STPG2: variants seen among roughly 807,000 people sequenced by gnomAD.
STPG2 encodes sperm tail PG-rich repeat containing 2.
In STPG2, 56 loss-of-function variants were observed where a neutral mutation model predicts 54.2. That is an observed-to-expected ratio of 1.03 (90% CI 0.83 to 1.29). The LOEUF (loss-of-function observed/expected upper bound fraction) is 1.29. STPG2 is among the 50% of genes most tolerant of loss of function. STPG2 has a pLI of 0.00. For missense variants in STPG2, 596 were observed against 544.9 expected (o/e 1.09, Z -0.93); for synonymous variants, 200 against 181.8 (o/e 1.10, Z -0.81).
chr4:97,726,362 G>T (rs141923228), intron 9 of STPG2, among the ~76,000 whole-genome samples: 1 of 151,882 alleles, frequency 6.6e-6, no homozygotes, highest in Non-Finnish European at 1.5e-5. Flanking sequence ...GTGGATAGAT[G>T]GTGGTGATGA....
intron 10 of STPG2, among the ~76,000 whole-genome samples, chr4:97,678,759 A>T (rs1363792326): frequency 1.3e-5 from 2 of 151,256 alleles, no homozygotes; most frequent in East Asian, 3.9e-4. Context: ...ATATCTCCTA[A>T]TGCTATCCCT....
chr4:97,946,693 A>T (rs995915550), intron 7 of STPG2, among the ~76,000 whole-genome samples: 3 of 152,104 alleles, frequency 2.0e-5, no homozygotes, highest in Non-Finnish European at 4.4e-5. Context: ...GTCAAAGATC[A>T]GTTGGTTGTA....
In STPG2 at chr4:97,924,314, TTAA is replaced by T. The variant is rs1218039185; in HGVS notation, c.1044+19580_1044+19582del. ...AATTCCAGACACAATAGGATGTTACTTAATAAAAACATTTTAAACATATGTGAT... is the reference window on the plus strand; with the variant it reads ...AATTCCAGACACAATAGGATGTTACTTAAAAACATTTTAAACATATGTGAT... On this transcript the variant is annotated intron_variant, in intron 8 of 10. Coordinates refer to ENST00000295268, the MANE Select transcript of STPG2 (RefSeq NM_174952.3). Among the ~76,000 whole-genome samples, 8 of 152,340 alleles carry T rather than the reference TTAA, an allele frequency of 5.3e-5. 1 individual carries two copies. Among genetic ancestry groups the T allele is most frequent in the Admixed American group, 5.2e-4 (8 of 15,302 alleles).
Position 98,134,390 on chromosome 4 carries a change from T to A in STPG2, c.179A>T (p.Lys60Ile). The change falls in exon 2 of 11, where the codon AAA (lysine) becomes ATA (isoleucine). Residue 60 changes from lysine (K) to isoleucine (I), a missense_variant. Physicochemically the swap from Lys to Ile is moderately radical, Grantham distance 102 (BLOSUM62 -3). Coordinates refer to ENST00000295268, the MANE Select transcript of STPG2 (RefSeq NM_174952.3). ...STFTIASSIE[K>I]AVPGPGHYNV... Reference sequence around the variant, plus strand: ...ATAGTGTCCTGGACCTGGAACAGCTTTCTCAATGCTAGAGGCAATGGTAAA... The same window carrying A: ...ATAGTGTCCTGGACCTGGAACAGCTATCTCAATGCTAGAGGCAATGGTAAA... 6.3e-7 allele frequency: 1 copy of A among 1,585,278 alleles called. No homozygotes were observed. Among genetic ancestry groups the A allele is most frequent in the Non-Finnish European group, 8.6e-7 (1 of 1,163,234 alleles).
intron 4 of STPG2, among the ~76,000 whole-genome samples, chr4:97,491,212 A>C (rs1359439516): frequency 6.6e-6 from 1 of 151,460 alleles, no homozygotes; most frequent in Non-Finnish European, 1.5e-5. Flanking sequence ...CTCCACAGAA[A>C]GCCCACATAT....
At chr4:97,827,203 T>G (rs1728285375) in intron 9 of STPG2, among the ~76,000 whole-genome samples, 1 of 151,756 alleles carries the variant, frequency 6.6e-6, no homozygotes, top group Admixed American at 6.6e-5. Flanking sequence ...GTTTTGTTTT[T>G]CAGAGTTAAG....
At chr4:97,551,729 C>T (rs912731421) in intron 4 of STPG2, among the ~76,000 whole-genome samples, 5 of 152,308 alleles carry the variant, frequency 3.3e-5, no homozygotes, top group East Asian at 1.9e-4. Context: ...GAGGAGCTCT[C>T]GCTCATGTAC....
At chr4:97,528,204 A>C (rs1054643941) in intron 4 of STPG2, among the ~76,000 whole-genome samples, 1 of 152,266 alleles carries the variant, frequency 6.6e-6, no homozygotes, top group Admixed American at 6.5e-5. Context: ...ATCCAGTTTC[A>C]GTTTTTTGCA....
intron 9 of STPG2, among the ~76,000 whole-genome samples, chr4:97,828,458 C>T (rs1728336179): frequency 6.6e-6 from 1 of 152,112 alleles, no homozygotes; most frequent in African/African-American, 2.4e-5. Flanking sequence ...CAAAACTGGG[C>T]AGCTGGTTGG....
chr4:97,754,020 T>C (rs1435211495), intron 9 of STPG2, among the ~76,000 whole-genome samples: 5 of 152,096 alleles, frequency 3.3e-5, no homozygotes, highest in Non-Finnish European at 1.5e-5. Flanking sequence ...ACTTTTGATG[T>C]CATATCCATG....
chr4:97,583,362 T>A (rs1367925974), intron 10 of STPG2, among the ~76,000 whole-genome samples: 1 of 151,972 alleles, frequency 6.6e-6, no homozygotes, highest in South Asian at 2.1e-4. Context: ...TACACTAAAG[T>A]AGAGAACTAG....
intron 4 of STPG2, among the ~76,000 whole-genome samples, chr4:97,482,863 G>T (rs755709334): frequency 6.6e-6 from 1 of 151,696 alleles, no homozygotes; most frequent in Non-Finnish European, 1.5e-5. Flanking sequence ...AGATTTATCA[G>T]CAGAAACCCT....
intron 5 of STPG2, among the ~76,000 whole-genome samples, chr4:98,016,917 A>G (rs1270918031): frequency 1.3e-5 from 2 of 152,184 alleles, no homozygotes; most frequent in Non-Finnish European, 1.5e-5. Context: ...GGGAACATCC[A>G]TCATTACTCA....
At chr4:97,972,209 T>A (rs1734350889) in intron 7 of STPG2, 71 bp downstream of exon 7, 14 of 1,029,666 alleles carry the variant, frequency 1.4e-5, no homozygotes, top group Non-Finnish European at 1.8e-5. Flanking sequence ...AATTATAACA[T>A]GTAATTTCAA....
intron 7 of STPG2, among the ~76,000 whole-genome samples, chr4:97,948,557 C>A (rs79260642): frequency 0.013 from 1,927 of 152,152 alleles, 31 homozygotes; most frequent in African/African-American, 0.044. Flanking sequence ...TTTAGTGCTA[C>A]AAACATTCCT....
At chr4:98,008,807 A>G (rs1023590650) in intron 5 of STPG2, among the ~76,000 whole-genome samples, 10 of 151,846 alleles carry the variant, frequency 6.6e-5, no homozygotes, top group African/African-American at 2.4e-4. Flanking sequence ...GCATGAACCA[A>G]CTGTGTGCTG....
intron 5 of STPG2, among the ~76,000 whole-genome samples, chr4:98,018,682 G>C (rs1578785331): frequency 2.7e-5 from 4 of 150,890 alleles, no homozygotes; most frequent in Admixed American, 2.6e-4. Flanking sequence ...AGCACCTATT[G>C]TTTCCTGACT....
At chr4:97,824,656 T>C (rs1173834273) in intron 9 of STPG2, among the ~76,000 whole-genome samples, 1 of 152,170 alleles carries the variant, frequency 6.6e-6, no homozygotes, top group Non-Finnish European at 1.5e-5. Context: ...CTCTGCCATC[T>C]GGAGGACAGA....
At chr4:98,034,126 A>T (rs1484236990) in intron 5 of STPG2, among the ~76,000 whole-genome samples, 1 of 152,174 alleles carries the variant, frequency 6.6e-6, no homozygotes, top group Non-Finnish European at 1.5e-5. Flanking sequence ...AGAAAAAAAT[A>T]AACGGTATTC....
Sources: allele counts gnomAD v4.1 joint callset (sites outside exome capture counted in the v4.1 genomes callset), GRCh38; gene constraint gnomAD v4.1.1; transcripts MANE v1.5; gene names NCBI Gene and HGNC (gene_info 2026-07-23, HGNC 2026-07-21).